The following BMERB1 variants were observed in gnomAD, a reference collection of about 807,000 sequenced individuals.
BMERB1 encodes bMERB domain containing 1, also known as bMERB domain-containing protein 1.
A neutral mutation model predicts 23.6 loss-of-function variants in BMERB1; 12 were observed. The observed-to-expected ratio is 0.51, with a 90% CI of 0.33 to 0.82. The LOEUF is 0.82. BMERB1 is among the 40% of genes least tolerant of loss of function. The pLI is 0.03. For synonymous variants in BMERB1, 122 were observed against 96.6 expected (o/e 1.26, Z -1.54); for missense variants, 247 against 255.4 (o/e 0.97, Z 0.22).
Position 15,515,941 on chromosome 16 carries a change from G to A in BMERB1, c.230+513G>A, listed in dbSNP as rs543456469. On this transcript the variant is annotated intron_variant, in intron 2 of 5. Coordinates refer to ENST00000300006, the MANE Select transcript of BMERB1 (RefSeq NM_033201.3). ...CAGCATTCCTGAAGAGTTGCAGGTAGTCTTTCAAGACAAACTCTCATTTAA... is the reference window on the plus strand; with the variant it reads ...CAGCATTCCTGAAGAGTTGCAGGTAATCTTTCAAGACAAACTCTCATTTAA... 2.0e-5 allele frequency among the ~76,000 whole-genome samples: 3 copies of A among 152,300 alleles called. No individual in the cohort carries two copies. In the East Asian group the frequency reaches 5.8e-4, roughly 29 times the overall value.
chr16:15,555,726 C>A (rs1405423764), intron 2 of BMERB1, among the ~76,000 whole-genome samples: 1 of 152,122 alleles, frequency 6.6e-6, no homozygotes, highest in Admixed American at 6.5e-5. Flanking sequence ...TCCCTTGGTC[C>A]CCAGCAAGAT....
intron 1 of BMERB1, among the ~76,000 whole-genome samples, chr16:15,452,529 C>T (rs1036782957): frequency 4.6e-5 from 7 of 152,084 alleles, no homozygotes; most frequent in African/African-American, 1.7e-4. Flanking sequence ...GGGGAGAACA[C>T]AGAGAAGATC....
chr16:15,480,346 C>T (rs953889031), intron 1 of BMERB1, among the ~76,000 whole-genome samples: 2 of 151,978 alleles, frequency 1.3e-5, no homozygotes, highest in Non-Finnish European at 2.9e-5. Context: ...AATCTCCTGA[C>T]CTCGTGATCC....
rs527392408 is a variant in BMERB1 at position 15,435,258 on chromosome 16, C to T, written c.106+499C>T. On this transcript the variant is annotated intron_variant, in intron 1 of 5. Transcript: ENST00000300006. ...CTGAAATTCCCAGCTTTTCCTCCCT[C>T]GCCTTCCTTGGGTCGGGGTGGGAGG... 8.5e-5 allele frequency among the ~76,000 whole-genome samples: 13 copies of T among 152,302 alleles called. No homozygotes were observed. The South Asian group carries it at 2.7e-3, about 32-fold the overall frequency.
intron 1 of BMERB1, among the ~76,000 whole-genome samples, chr16:15,468,894 C>T (rs1029057532): frequency 6.6e-6 from 1 of 150,752 alleles, no homozygotes; most frequent in African/African-American, 2.4e-5. Context: ...TTTTTTTGGC[C>T]TGTGGATATC....
intron 1 of BMERB1, among the ~76,000 whole-genome samples, chr16:15,480,971 T>C (rs2051316115): frequency 1.3e-5 from 2 of 152,186 alleles, no homozygotes; most frequent in Admixed American, 1.3e-4. Flanking sequence ...CATGAAGATC[T>C]GTATAAGAGA....
Position 15,586,920 on chromosome 16 carries a change from A to C in BMERB1, c.*91A>C. Reference sequence around the variant, plus strand: ...TTCACCGGGGCCCAAGAGCTCTCCAAGGCAGAAGGGGTTGAAGGCAAGCCC... The same window carrying C: ...TTCACCGGGGCCCAAGAGCTCTCCACGGCAGAAGGGGTTGAAGGCAAGCCC... On this transcript the variant is annotated 3_prime_UTR_variant, in exon 6 of 6. Transcript: ENST00000300006. 1.1e-6 allele frequency: 1 copy of C among 890,642 alleles called. No homozygotes were observed. The highest frequency in any genetic ancestry group is 1.7e-5 in the African/African-American group (1 of 58,778). 55.2% of individuals were successfully genotyped at this position (890,642 alleles called of 1,614,324 possible).
intron 2 of BMERB1, among the ~76,000 whole-genome samples, chr16:15,533,961 G>C (rs1567488450): frequency 6.6e-6 from 1 of 152,096 alleles, no homozygotes; most frequent in Non-Finnish European, 1.5e-5. Flanking sequence ...TACATTTCCA[G>C]GGGCTTCCAT....
At chr16:15,454,002 T>C (rs1260795221) in intron 1 of BMERB1, among the ~76,000 whole-genome samples, 1 of 152,058 alleles carries the variant, frequency 6.6e-6, no homozygotes, top group African/African-American at 2.4e-5. Context: ...CTGTTCTGAG[T>C]CATGTTTCTC....
chr16:15,476,802 T>G (rs945010626), intron 1 of BMERB1, among the ~76,000 whole-genome samples: 3 of 152,018 alleles, frequency 2.0e-5, no homozygotes, highest in Non-Finnish European at 4.4e-5. Context: ...TTCCACTGGG[T>G]GGGGGATACA....
At chr16:15,530,221 G>A (rs2051953833) in intron 2 of BMERB1, among the ~76,000 whole-genome samples, 1 of 152,122 alleles carries the variant, frequency 6.6e-6, no homozygotes, top group South Asian at 2.1e-4. Flanking sequence ...CTAAGCATGT[G>A]GGAGTTATTT....
At position 15,462,442 on chromosome 16, in the gene BMERB1, A is replaced by G. The variant is rs144442372; in HGVS notation, c.106+27683A>G. Among the ~76,000 whole-genome samples, 334 of 152,108 alleles carry G rather than the reference A, an allele frequency of 2.2e-3. 3 individuals carry two copies. The highest frequency in any genetic ancestry group is 7.3e-3 in the African/African-American group (301 of 41,508). On this transcript the variant is annotated intron_variant, in intron 1 of 5. Coordinates refer to ENST00000300006, the MANE Select transcript of BMERB1 (RefSeq NM_033201.3). ...GCTGGGATTACAGGTGTGAGCCACC[A>G]CACCTGGCCTGCATTTTTATTTGTA... is the stretch of plus-strand genomic sequence containing the variant.
intron 2 of BMERB1, among the ~76,000 whole-genome samples, chr16:15,520,243 C>G (rs1453843341): frequency 6.6e-6 from 1 of 152,100 alleles, no homozygotes; most frequent in African/African-American, 2.4e-5. Context: ...GAGCCCTTAA[C>G]CTTAAGCTGT....
At chr16:15,525,582 T>TC (rs1383226198) in intron 2 of BMERB1, among the ~76,000 whole-genome samples, 3 of 151,802 alleles carry the variant, frequency 2.0e-5, no homozygotes, top group African/African-American at 7.3e-5. Context: ...GCGTGTGCTT[T>TC]CAGTCCCAGC....
chr16:15,567,555 C>T (rs1226581097), intron 2 of BMERB1, among the ~76,000 whole-genome samples: 1 of 152,176 alleles, frequency 6.6e-6, no homozygotes, highest in Non-Finnish European at 1.5e-5. Context: ...TAAGACCAGC[C>T]TGGCCACCAT....
intron 1 of BMERB1, among the ~76,000 whole-genome samples, chr16:15,510,648 G>T (rs1273333304): frequency 1.3e-5 from 2 of 152,026 alleles, no homozygotes; most frequent in Admixed American, 1.3e-4. Context: ...ATCTGATCTG[G>T]TAAGGCTGGT....
At chr16:15,444,119 C>CTTTTTTTTTTTTT (rs1225982061) in intron 1 of BMERB1, among the ~76,000 whole-genome samples, 14 of 24,448 alleles carry the variant, frequency 5.7e-4, no homozygotes, top group African/African-American at 1.3e-3. Context: ...CAGGCACCAG[C>CTTTTTTTTTTTTT]TTTGTTTTTT....
intron 1 of BMERB1, chr16:15,502,256 C>T (rs1598475732): frequency 1.3e-6 from 2 of 1,540,702 alleles, no homozygotes; most frequent in Non-Finnish European, 1.8e-6. Context: ...CTTGAGGTGC[C>T]ACTGGAGAAT....
chr16:15,481,619 G>C (rs2051321271), intron 1 of BMERB1, among the ~76,000 whole-genome samples: 1 of 151,940 alleles, frequency 6.6e-6, no homozygotes, highest in Admixed American at 6.6e-5. Context: ...GATGTCAAGG[G>C]AACTCTTTTC....
Sources: allele counts gnomAD v4.1 joint callset (sites outside exome capture counted in the v4.1 genomes callset), GRCh38; gene constraint gnomAD v4.1.1; transcripts MANE v1.5; gene names NCBI Gene and HGNC (gene_info 2026-07-23, HGNC 2026-07-21).